The following CDKAL1 variants were observed in gnomAD, a reference collection of about 807,000 sequenced individuals.
CDKAL1 encodes the protein CDKAL1 threonylcarbamoyladenosine tRNA methylthiotransferase, also known as threonylcarbamoyladenosine tRNA methylthiotransferase.
A neutral mutation model predicts 68.2 loss-of-function variants in CDKAL1; 32 were observed. The ratio of observed to expected loss-of-function variants is 0.47; its 90% CI spans 0.35 to 0.63. The LOEUF is 0.63. Ranked by LOEUF, CDKAL1 falls within the 30% of genes least tolerant of loss-of-function variation. The pLI is 0.00. For missense variants in CDKAL1, 606 were observed against 696.7 expected, an observed-to-expected ratio of 0.87 and a Z score of 1.47; for synonymous variants, 234 against 244.3, an observed-to-expected ratio of 0.96 and a Z score of 0.39.
intron 5 of CDKAL1, among the ~76,000 whole-genome samples, chr6:20,662,755 C>T (rs1266515783): frequency 6.6e-6 from 1 of 152,114 alleles, no homozygotes; most frequent in Admixed American, 6.6e-5. Flanking sequence ...TTTCCCATCC[C>T]TTCCACCTTC....
chr6:20,785,314 C>CTTTTTTTT (rs5874783), intron 8 of CDKAL1, among the ~76,000 whole-genome samples: 1 of 96,104 alleles, frequency 1.0e-5, no homozygotes. Flanking sequence ...ATTTCTTTTT[C>CTTTTTTTT]TTTTTTTTTT....
At position 20,883,782 on chromosome 6, in the gene CDKAL1, T is replaced by G. The variant is rs531935464; in HGVS notation, c.742+37604T>G. Among the ~76,000 whole-genome samples, 13 of 152,328 alleles carry G rather than the reference T, an allele frequency of 8.5e-5. No individual in the cohort carries two copies. The South Asian group carries it at 2.7e-3, about 32-fold the overall frequency. ...AAATTATTTCAACTTTTTCTGTATA[T>G]TTAAAATGTTTTACAATAACATGAC... On this transcript the variant is annotated intron_variant, in intron 9 of 15. Transcript: ENST00000274695.
chr6:21,070,513 C>G (rs752906889), intron 12 of CDKAL1, among the ~76,000 whole-genome samples: 1 of 151,624 alleles, frequency 6.6e-6, no homozygotes, highest in Non-Finnish European at 1.5e-5. Flanking sequence ...ATCATCCCTG[C>G]TCTACCTTAG....
At chr6:20,805,047 T>A (rs1339735326) in intron 8 of CDKAL1, among the ~76,000 whole-genome samples, 1 of 152,096 alleles carries the variant, frequency 6.6e-6, no homozygotes, top group East Asian at 1.9e-4. Flanking sequence ...AAAGAAAAAT[T>A]AAAACCTGGG....
rs1262448334 is a variant in CDKAL1, at chr6:21,006,976, A to G, written c.1055+6604A>G. The stretch of plus-strand genomic sequence containing the variant: ...TAAACATAAAGGTCCAATCACATAT[A>G]CATGAAGTAGTAGAATAATAACGTT... On this transcript the variant is annotated intron_variant, in intron 11 of 15. Coordinates refer to ENST00000274695, the MANE Select transcript of CDKAL1 (RefSeq NM_017774.3). 3.3e-5 allele frequency among the ~76,000 whole-genome samples: 5 copies of G among 152,330 alleles called. No individual in the cohort carries two copies. The South Asian group carries it at 6.2e-4, about 19-fold the overall frequency.
At chr6:21,067,359 G>A (rs1387356590) in intron 12 of CDKAL1, among the ~76,000 whole-genome samples, 1 of 152,192 alleles carries the variant, frequency 6.6e-6, no homozygotes, top group Non-Finnish European at 1.5e-5. Context: ...TTATGTTGGC[G>A]AACTAATCTG....
intron 5 of CDKAL1, among the ~76,000 whole-genome samples, chr6:20,721,916 A>G (rs1772394165): frequency 6.6e-6 from 1 of 151,870 alleles, no homozygotes; most frequent in South Asian, 2.1e-4. Context: ...CATTTTTAGT[A>G]GAGATGGGAT....
At chr6:20,748,733 A>G (rs1026808355) in intron 6 of CDKAL1, among the ~76,000 whole-genome samples, 2 of 145,774 alleles carry the variant, frequency 1.4e-5, no homozygotes, top group Admixed American at 1.4e-4. Flanking sequence ...CAAGCCCACC[A>G]AGAAGACACA....
intron 7 of CDKAL1, among the ~76,000 whole-genome samples, chr6:20,771,823 C>T (rs1774957135): frequency 6.6e-6 from 1 of 152,132 alleles, no homozygotes; most frequent in Admixed American, 6.5e-5. Flanking sequence ...ACCCCCTTTG[C>T]CTTCTGCCGT....
chr6:20,747,179 T>A (rs1012599101), intron 6 of CDKAL1, among the ~76,000 whole-genome samples: 18 of 152,222 alleles, frequency 1.2e-4, no homozygotes, highest in African/African-American at 4.3e-4. Context: ...GATATCCTTT[T>A]AAAAATGTTG....
chr6:20,906,108 T>G (rs1327355110), intron 9 of CDKAL1, among the ~76,000 whole-genome samples: 1 of 152,228 alleles, frequency 6.6e-6, no homozygotes, highest in Non-Finnish European at 1.5e-5. Context: ...TCTACATGAT[T>G]TTAGAGAGTA....
intron 9 of CDKAL1, among the ~76,000 whole-genome samples, chr6:20,884,520 G>A (rs1760977597): frequency 6.6e-6 from 1 of 152,130 alleles, no homozygotes; most frequent in African/African-American, 2.4e-5. Flanking sequence ...AGTGAAACAG[G>A]AAAAAGAACT....
chr6:20,689,357 C>A (rs1410375095), intron 5 of CDKAL1, among the ~76,000 whole-genome samples: 4 of 152,312 alleles, frequency 2.6e-5, no homozygotes, highest in Admixed American at 1.3e-4. Context: ...GATTTTCCTA[C>A]CCTAACACTC....
At chr6:20,550,639 C>T (rs1348498205) in intron 4 of CDKAL1, among the ~76,000 whole-genome samples, 1 of 152,020 alleles carries the variant, frequency 6.6e-6, no homozygotes, top group Non-Finnish European at 1.5e-5. Context: ...GTGAGGTCCT[C>T]TTGGGGGATG....
At chr6:20,893,437 G>A (rs575772903) in intron 9 of CDKAL1, among the ~76,000 whole-genome samples, 1 of 152,238 alleles carries the variant, frequency 6.6e-6, no homozygotes, top group Admixed American at 6.5e-5. Flanking sequence ...AAAGAGTAAG[G>A]GATATATGTG....
intron 5 of CDKAL1, among the ~76,000 whole-genome samples, chr6:20,675,003 A>G (rs1056453557): frequency 1.3e-5 from 2 of 152,070 alleles, no homozygotes; most frequent in Non-Finnish European, 2.9e-5. Flanking sequence ...TATTAATATG[A>G]CATATAGTGT....
At chr6:20,968,728 T>C (rs956723588) in intron 10 of CDKAL1, among the ~76,000 whole-genome samples, 1 of 152,084 alleles carries the variant, frequency 6.6e-6, no homozygotes, top group African/African-American at 2.4e-5. Context: ...TTATACATTC[T>C]ATATCAGAAT....
chr6:20,774,267 T>A (rs896521277), intron 7 of CDKAL1, among the ~76,000 whole-genome samples: 2 of 152,204 alleles, frequency 1.3e-5, no homozygotes, highest in African/African-American at 4.8e-5. Context: ...ATTTCTGTAA[T>A]ATGAATGATA....
At chr6:20,748,977 G>GTA (rs201765956) in intron 6 of CDKAL1, among the ~76,000 whole-genome samples, 6,057 of 151,550 alleles carry the variant, frequency 0.04, 132 homozygotes, top group Middle Eastern at 0.082. Context: ...ATATGTATGT[G>GTA]TATATATATG....
Sources: allele counts gnomAD v4.1 joint callset (sites outside exome capture counted in the v4.1 genomes callset), GRCh38; gene constraint gnomAD v4.1.1; transcripts MANE v1.5; gene names NCBI Gene and HGNC (gene_info 2026-07-23, HGNC 2026-07-21).